Variants in ATG7 observed in about 807,000 individuals in gnomAD.
ATG7 encodes the protein autophagy related 7, also known as ubiquitin-like modifier-activating enzyme ATG7.
In ATG7, 70 loss-of-function variants were observed where a neutral mutation model predicts 82.4. The ratio of observed to expected loss-of-function variants is 0.85; its 90% CI spans 0.70 to 1.04. The LOEUF (loss-of-function observed/expected upper bound fraction) is 1.04. Ranked by LOEUF, ATG7 falls within the 50% of genes least tolerant of loss-of-function variation. The pLI, the probability that ATG7 is intolerant of heterozygous loss-of-function variation, is 0.00. For synonymous variants in ATG7, 287 were observed against 313.0 expected, an observed-to-expected ratio of 0.92 and a Z score of 0.88; for missense variants, 792 against 864.3, an observed-to-expected ratio of 0.92 and a Z score of 1.05.
intron 20 of ATG7, among the ~76,000 whole-genome samples, chr3:11,431,943 CA>C (rs1243314639): frequency 6.6e-6 from 1 of 152,182 alleles, no homozygotes; most frequent in Non-Finnish European, 1.5e-5. Context: ...TAGTGCAACC[CA>C]ATTTTTTGCA....
chr3:11,462,603 A>G (rs564707121), intron 20 of ATG7, among the ~76,000 whole-genome samples: 2 of 152,268 alleles, frequency 1.3e-5, no homozygotes, highest in East Asian at 1.9e-4. Flanking sequence ...TGATGAAAGC[A>G]GAGGAATTTT....
At chr3:11,367,372 G>A (rs1052146989) in intron 18 of ATG7, among the ~76,000 whole-genome samples, 1 of 152,116 alleles carries the variant, frequency 6.6e-6, no homozygotes, top group Non-Finnish European at 1.5e-5. Flanking sequence ...GAAGTTTACT[G>A]GGCTCATTTT....
At chr3:11,530,870 A>C (rs2092681518) in intron 20 of ATG7, among the ~76,000 whole-genome samples, 2 of 152,196 alleles carry the variant, frequency 1.3e-5, no homozygotes, top group South Asian at 4.1e-4. Context: ...AATCACAGCT[A>C]CTTGGGAGGC....
intron 19 of ATG7, among the ~76,000 whole-genome samples, chr3:11,404,178 A>C (rs567697065): frequency 1.8e-4 from 24 of 130,034 alleles, no homozygotes; most frequent in Non-Finnish European, 3.1e-4. Flanking sequence ...TGTCGCCCAG[A>C]CCGGAGTGCA....
At chr3:11,319,811 C>G (rs533184555) in intron 9 of ATG7, among the ~76,000 whole-genome samples, 1 of 152,338 alleles carries the variant, frequency 6.6e-6, no homozygotes, top group South Asian at 2.1e-4. Context: ...GTCTCTCAGC[C>G]TACCACCTTG....
At chr3:11,340,547 A>C in intron 11 of ATG7, 98 bp from the exon 12 acceptor site, 1 of 1,059,704 alleles carries the variant, frequency 9.4e-7, no homozygotes, top group Non-Finnish European at 1.4e-6. Flanking sequence ...TGCATGGGCC[A>C]TTATGAATGT....
chr3:11,389,841 A>C (rs549528010), intron 19 of ATG7, among the ~76,000 whole-genome samples: 1 of 152,350 alleles, frequency 6.6e-6, no homozygotes, highest in African/African-American at 2.4e-5. Flanking sequence ...CTCTGGATTC[A>C]CTGAAGCATT....
chr3:11,565,102 CTTAT>C, the ATG7 span: 1 of 1,293,002 alleles, frequency 7.7e-7, no homozygotes, highest in Non-Finnish European at 1.0e-6. The surrounding 1 kb of genome is among the most constrained non-coding windows in gnomAD (Gnocchi z 4.1). Context: ...CTCCGTGTTG[CTTAT>C]TTAATTTTTT....
intron 19 of ATG7, among the ~76,000 whole-genome samples, chr3:11,395,302 A>G (rs1199488414): frequency 6.6e-6 from 1 of 152,230 alleles, no homozygotes; most frequent in Non-Finnish European, 1.5e-5. Context: ...AGAAAAAAAG[A>G]AATAATGGTT....
chr3:11,482,144 TC>T (rs1487370304), intron 20 of ATG7, among the ~76,000 whole-genome samples: 3 of 152,200 alleles, frequency 2.0e-5, no homozygotes, highest in Admixed American at 6.5e-5. Flanking sequence ...CTCCGCTCTG[TC>T]CCGCTTCCTT....
At chr3:11,449,631 G>A (rs1049605529) in intron 20 of ATG7, among the ~76,000 whole-genome samples, 6 of 152,142 alleles carry the variant, frequency 3.9e-5, no homozygotes, top group African/African-American at 1.4e-4. Flanking sequence ...AGCATCAGAT[G>A]AACGCTTGGC....
rs371591489 is a variant in ATG7 at position 11,555,178 on chromosome 3, C to T, written c.*335C>T. ...TTGGCCCTGAGGGGGTGACCCAACA[C>T]AGACCAAATGGGGAAATGAGCAACC... On this transcript the variant is annotated 3_prime_UTR_variant, in exon 21 of 21. Transcript: ENST00000693202. 5.8e-5 allele frequency: 18 copies of T among 308,238 alleles called. No homozygotes were observed. The South Asian group carries it at 1.1e-3, about 19-fold the overall frequency. The allele number at this position is 308,238 out of a possible 1,614,324, so 19.1% of individuals were successfully genotyped here.
the ATG7 span, among the ~76,000 whole-genome samples, chr3:11,571,069 C>A: frequency 6.6e-6 from 1 of 152,174 alleles, no homozygotes; most frequent in South Asian, 2.1e-4. Flanking sequence ...GAGGCAGAGA[C>A]ACCCTCCTAA....
intron 20 of ATG7, among the ~76,000 whole-genome samples, chr3:11,511,742 A>C (rs2442796): frequency 0.86 from 131,394 of 152,178 alleles, 57,068 homozygotes; most frequent in East Asian, 1. Context: ...CCCTGCCCCG[A>C]GGGAAGGCAG....
chr3:11,563,560 C>G, the ATG7 span, among the ~76,000 whole-genome samples: 8 of 152,248 alleles, frequency 5.3e-5, no homozygotes, highest in Non-Finnish European at 1.0e-4. Context: ...TGGCTGCCCA[C>G]AGCTCTGCTC....
chr3:11,554,889 G>C lies in ATG7; in HGVS notation c.*46G>C. The C allele has an allele frequency of 6.2e-7, 1 of 1,604,018 alleles. No individual in the cohort carries two copies. Among genetic ancestry groups the C allele is most frequent in the East Asian group, 2.2e-5 (1 of 44,688 alleles). ...GACTTCTCCCCGGCCGCCTGCTGAG[G>C]AGCTCTCCATCGCCAGAGCAGGACT... On this transcript the variant is annotated 3_prime_UTR_variant, in exon 21 of 21. Coordinates refer to ENST00000693202, the MANE Select transcript of ATG7 (RefSeq NM_001349232.2).
intron 20 of ATG7, 96 bp downstream of exon 20, chr3:11,427,022 T>G (rs899553112): frequency 2.8e-6 from 4 of 1,410,624 alleles, no homozygotes; most frequent in Admixed American, 5.3e-5. Context: ...TTAATTTTAA[T>G]TTTTGTAACT....
rs2072494535 is a variant in ATG7 at position 11,557,058 on chromosome 3, C to A, written c.*2215C>A. 6.6e-6 allele frequency: 1 copy of A among 152,494 alleles called. No homozygotes were observed. The allele number at this position is 152,494 out of a possible 1,614,324, so 9.4% of individuals were successfully genotyped here. ...AAGCCTTGCAGGTGAGGTGACCACGCCCACGTCACCTGGTCAGGTGCCATC... is the reference window on the plus strand; with the variant it reads ...AAGCCTTGCAGGTGAGGTGACCACGACCACGTCACCTGGTCAGGTGCCATC... On this transcript the variant is annotated 3_prime_UTR_variant, in exon 21 of 21. Transcript: ENST00000693202.
intron 14 of ATG7, among the ~76,000 whole-genome samples, chr3:11,357,237 C>G (rs1335257645): frequency 6.6e-6 from 1 of 152,166 alleles, no homozygotes; most frequent in African/African-American, 2.4e-5. Context: ...TGTGGAAAGT[C>G]AGTGTCCCTG....
Sources: gnomAD v4.1 joint callset for allele counts (sites outside exome capture counted in the v4.1 genomes callset) on GRCh38, gnomAD v4.1.1 for gene constraint, Gnocchi (gnomAD v3.1) non-coding constraint, MANE v1.5 for transcripts, NCBI Gene and HGNC (gene_info 2026-07-23, HGNC 2026-07-21) for gene names.